GPHN: variants seen among roughly 807,000 people sequenced by gnomAD.
GPHN encodes the protein gephyrin.
Under a neutral mutation model 95.5 loss-of-function variants are expected in GPHN, and 17 were observed. That is an observed-to-expected ratio of 0.18 (90% CI 0.12 to 0.27). GPHN has a LOEUF of 0.27. Ranked by LOEUF, GPHN falls within the 10% of genes least tolerant of loss-of-function variation. The probability of loss-of-function intolerance (pLI) is 1.00; values close to 1 mark genes in which losing one functional copy is unlikely to be tolerated. For synonymous variants in GPHN, 320 were observed against 322.5 expected, an observed-to-expected ratio of 0.99 and a Z score of 0.08; for missense variants, 660 against 978.1, an observed-to-expected ratio of 0.67 and a Z score of 4.34.
the GPHN span, among the ~76,000 whole-genome samples, chr14:67,698,536 T>C: frequency 6.6e-6 from 1 of 152,066 alleles, no homozygotes; most frequent in Non-Finnish European, 1.5e-5. Flanking sequence ...AAAAATTGAC[T>C]GAGAAACGGC....
intron 18 of GPHN, among the ~76,000 whole-genome samples, chr14:67,144,236 TAA>T (rs1216565518): frequency 0.014 from 776 of 54,028 alleles, 21 homozygotes; most frequent in East Asian, 0.065. Context: ...GACCCTGTCT[TAA>T]AAAAAAAAAA....
intron 9 of GPHN, among the ~76,000 whole-genome samples, chr14:66,979,803 C>T (rs1025301291): frequency 9.9e-5 from 15 of 152,160 alleles, no homozygotes; most frequent in African/African-American, 3.6e-4. Flanking sequence ...TAAACTTAGT[C>T]ATTTCTAGCT....
intron 2 of GPHN, among the ~76,000 whole-genome samples, chr14:66,722,100 T>C (rs953644501): frequency 5.3e-5 from 8 of 151,954 alleles, no homozygotes; most frequent in African/African-American, 1.9e-4. Context: ...TTATTACTTA[T>C]AAACAAAGTA....
chr14:66,845,855 G>GTA (rs1386022296), intron 4 of GPHN, among the ~76,000 whole-genome samples: 3 of 147,654 alleles, frequency 2.0e-5, no homozygotes, highest in Non-Finnish European at 4.6e-5. Flanking sequence ...GTGTGTGTGT[G>GTA]TGTGTCTGTG....
At chr14:67,717,201 G>T in the GPHN span, among the ~76,000 whole-genome samples, 16 of 152,076 alleles carry the variant, frequency 1.1e-4, no homozygotes, top group African/African-American at 3.9e-4. Context: ...GTATATATTT[G>T]CTGTTTTGAC....
rs1415940341 is a variant in GPHN, at chr14:66,674,971, CA to C, written c.65-6135del. ...AGTTCCTGTTTCTCTTCGTCGTCAC[CA>C]GCATATGTTATCTTTGATCTTTTAT... is the stretch of plus-strand genomic sequence containing the variant. On this transcript the variant is annotated intron_variant, in intron 1 of 22. Transcript: ENST00000478722. Among the ~76,000 whole-genome samples the C allele has an allele frequency of 3.3e-5, 5 of 152,230 alleles. No homozygotes were observed. In the East Asian group the frequency reaches 9.7e-4, roughly 29 times the overall value.
chr14:67,446,497 G>A, the GPHN span, among the ~76,000 whole-genome samples: 8 of 152,156 alleles, frequency 5.3e-5, no homozygotes, highest in Non-Finnish European at 1.0e-4. Context: ...GCTGACCTCC[G>A]GGTCAGCAGA....
chr14:66,690,239 T>C (rs1336400543), intron 2 of GPHN, among the ~76,000 whole-genome samples: 2 of 152,146 alleles, frequency 1.3e-5, no homozygotes, highest in Non-Finnish European at 2.9e-5. Flanking sequence ...TGTTTCTCTT[T>C]TCATTTGTTT....
chr14:67,275,072 C>CA, the GPHN span, among the ~76,000 whole-genome samples: 4 of 152,186 alleles, frequency 2.6e-5, no homozygotes, highest in Non-Finnish European at 5.9e-5. Context: ...CAAACAGGGA[C>CA]AATTTGACTT....
chr14:66,573,821 C>T (rs1177749058), intron 1 of GPHN, among the ~76,000 whole-genome samples: 2 of 152,076 alleles, frequency 1.3e-5, no homozygotes, highest in Non-Finnish European at 2.9e-5. Context: ...TACAGCTACT[C>T]CTGCCCTCTT....
intron 18 of GPHN, among the ~76,000 whole-genome samples, chr14:67,146,287 T>C (rs999591838): frequency 1.3e-5 from 2 of 152,182 alleles, no homozygotes; most frequent in African/African-American, 4.8e-5. Context: ...CCACAGTTAC[T>C]TCCCTAAAGA....
Position 67,165,087 on chromosome 14 carries a change from A to C in GPHN, c.1911-75A>C. 3 of 1,012,394 alleles carry C rather than the reference A, an allele frequency of 3.0e-6. No individual in the cohort carries two copies. In the East Asian group the frequency reaches 7.1e-5, roughly 24 times the overall value. 62.7% of individuals were successfully genotyped at this position (1,012,394 alleles called of 1,614,324 possible). A position where few individuals can be genotyped will look rare whatever the true frequency, so the allele number is the denominator to read the frequency against. ...TTTATATGATAAGTGTATGGATTAC[A>C]AAAACACTGGAGTACTTAATGTATT... On this transcript the variant is annotated intron_variant, in intron 19 of 22. Transcript: ENST00000478722.
intron 2 of GPHN, among the ~76,000 whole-genome samples, chr14:66,744,245 T>G (rs2058055024): frequency 6.6e-6 from 1 of 152,218 alleles, no homozygotes; most frequent in Non-Finnish European, 1.5e-5. Flanking sequence ...TTCTTTTCCA[T>G]ATTATTTTCC....
the GPHN span, among the ~76,000 whole-genome samples, chr14:67,468,413 C>A: frequency 1.3e-5 from 2 of 152,202 alleles, no homozygotes; most frequent in East Asian, 1.9e-4. Context: ...CCCAGGAAGA[C>A]CAGGCAAGAC....
the GPHN span, among the ~76,000 whole-genome samples, chr14:67,482,508 G>T: frequency 6.6e-6 from 1 of 152,146 alleles, no homozygotes; most frequent in Non-Finnish European, 1.5e-5. Flanking sequence ...CACTTCCCAA[G>T]CTTCACTCCC....
chr14:66,746,441 C>G (rs2058153149), intron 2 of GPHN, among the ~76,000 whole-genome samples: 1 of 152,096 alleles, frequency 6.6e-6, no homozygotes, highest in Non-Finnish European at 1.5e-5. Flanking sequence ...TTTTACAAGA[C>G]TTTGGTGTGC....
At chr14:67,231,812 C>CA in the GPHN span, among the ~76,000 whole-genome samples, 2 of 151,636 alleles carry the variant, frequency 1.3e-5, no homozygotes, top group African/African-American at 2.4e-5. Flanking sequence ...ATTAAAAACA[C>CA]AAAAAAATTA....
chr14:66,867,813 C>G (rs910500631), intron 4 of GPHN, among the ~76,000 whole-genome samples: 2 of 152,088 alleles, frequency 1.3e-5, no homozygotes, highest in African/African-American at 4.8e-5. Context: ...AAGATAAGAC[C>G]AAATGGTACA....
chr14:66,852,661 T>C (rs1281361395), intron 4 of GPHN, among the ~76,000 whole-genome samples: 1 of 152,206 alleles, frequency 6.6e-6, no homozygotes, highest in Non-Finnish European at 1.5e-5. Context: ...TTCAAAGATG[T>C]ATCGTTTTCT....
Sources: allele counts gnomAD v4.1 joint callset (sites outside exome capture counted in the v4.1 genomes callset), GRCh38; gene constraint gnomAD v4.1.1; transcripts MANE v1.5; gene names NCBI Gene and HGNC (gene_info 2026-07-23, HGNC 2026-07-21).